DOCK4: variants seen among roughly 807,000 people sequenced by gnomAD.
DOCK4 encodes dedicator of cytokinesis protein 4.
A neutral mutation model predicts 268.1 loss-of-function variants in DOCK4; 97 were observed. That is an observed-to-expected ratio of 0.36 (90% confidence interval 0.31 to 0.43). DOCK4 has a LOEUF of 0.43. Ranked by LOEUF, DOCK4 falls within the 20% of genes least tolerant of loss-of-function variation. The pLI, the probability that DOCK4 is intolerant of heterozygous loss-of-function variation, is 1.00. For missense variants in DOCK4, 2,145 were observed against 2,455.7 expected, an observed-to-expected ratio of 0.87 and a Z score of 2.67; for synonymous variants, 954 against 887.2, an observed-to-expected ratio of 1.08 and a Z score of -1.34.
intron 4 of DOCK4, among the ~76,000 whole-genome samples, chr7:111,996,940 G>A (rs1800013617): frequency 6.6e-6 from 1 of 152,216 alleles, no homozygotes; most frequent in Non-Finnish European, 1.5e-5. Flanking sequence ...CTTGGTCAGA[G>A]CATATGATGC....
At chr7:112,059,863 T>C (rs1037621729) in intron 1 of DOCK4, among the ~76,000 whole-genome samples, 1 of 152,164 alleles carries the variant, frequency 6.6e-6, no homozygotes, top group African/African-American at 2.4e-5. Context: ...TCACTCAAAA[T>C]TACTGCTCTC....
At chr7:112,183,071 C>T (rs1819195912) in intron 1 of DOCK4, among the ~76,000 whole-genome samples, 1 of 152,222 alleles carries the variant, frequency 6.6e-6, no homozygotes, top group Admixed American at 6.5e-5. Context: ...GTAGGCCTCC[C>T]ACATTGCCAC....
chr7:111,791,649 T>C (rs1367035680), intron 30 of DOCK4, among the ~76,000 whole-genome samples: 1 of 152,130 alleles, frequency 6.6e-6, no homozygotes, highest in Non-Finnish European at 1.5e-5. Context: ...GGTTTCACCA[T>C]GTTGGCCAGG....
intron 51 of DOCK4, among the ~76,000 whole-genome samples, chr7:111,732,813 A>G (rs767155895): frequency 6.6e-6 from 1 of 152,182 alleles, no homozygotes; most frequent in Non-Finnish European, 1.5e-5. Context: ...TGGCCATACA[A>G]CAGGTGCATG....
rs1314082449 is a variant in DOCK4, at chr7:111,727,088, C to T, written c.*1186G>A. On this transcript the variant is annotated 3_prime_UTR_variant, in exon 53 of 53. Coordinates refer to ENST00000428084, the MANE Select transcript of DOCK4 (RefSeq NM_001363540.2). ...AAAGAAAAAACAAAGATATAAAATA[C>T]ATTACTACATACAAGGTGCTTTTTT... is the stretch of plus-strand genomic sequence containing the variant. The T allele has an allele frequency of 6.6e-6, 1 of 152,602 alleles. No individual in the cohort carries two copies. Among genetic ancestry groups the T allele is most frequent in the Admixed American group, 6.5e-5 (1 of 15,284 alleles). 9.5% of individuals were successfully genotyped at this position (152,602 alleles called of 1,614,324 possible).
chr7:111,962,831 T>C (rs1198992855), intron 8 of DOCK4, among the ~76,000 whole-genome samples: 1 of 152,204 alleles, frequency 6.6e-6, no homozygotes, highest in African/African-American at 2.4e-5. Flanking sequence ...GTGAATAAGT[T>C]ACAAGCAGAC....
rs866087132 is a variant in DOCK4, at chr7:111,910,736, C to T, written c.1192+5043G>A. Among the ~76,000 whole-genome samples, 6 of 152,200 alleles carry T rather than the reference C, an allele frequency of 3.9e-5. No homozygotes were observed. The East Asian group carries it at 7.7e-4, about 20-fold the overall frequency. ...CCCTCTCATAGCCCAGACCGTGGAA[C>T]GCCTTCAATCAGTTATTTGGCTTGG... On this transcript the variant is annotated intron_variant, in intron 13 of 52. Coordinates refer to ENST00000428084, the MANE Select transcript of DOCK4 (RefSeq NM_001363540.2).
rs74765281 is a variant in DOCK4 at position 111,855,198 on chromosome 7, G to A, written c.2474-8072C>T. ...ACTGGGATGTGAGTAGGAGCTGGGA[G>A]TGACATCATCTGGTATGTTTCTGAA... On this transcript the variant is annotated intron_variant, in intron 23 of 52. Coordinates refer to ENST00000428084, the MANE Select transcript of DOCK4 (RefSeq NM_001363540.2). Among the ~76,000 whole-genome samples, 915 of 152,310 alleles carry A rather than the reference G, an allele frequency of 6.0e-3. 4 individuals carry two copies. The highest frequency in any genetic ancestry group is 9.4e-3 in the Non-Finnish European group (640 of 68,028).
rs1797294290 is a variant in DOCK4 at position 111,760,238 on chromosome 7, T to C, written c.4105A>G (p.Ile1369Val). Reference sequence around the variant, plus strand: ...GGCTGGTTGGCGTGCTGCATGGCGATGGCATGGGGGAACTCGTTCAGCATT... The same window carrying C: ...GGCTGGTTGGCGTGCTGCATGGCGACGGCATGGGGGAACTCGTTCAGCATT... ...QRMLNEFPHAIAMQHANQPDE... is the reference protein window; with the variant it reads ...QRMLNEFPHAVAMQHANQPDE... The change falls in exon 40 of 53, where the codon ATC becomes GTC. Residue 1369 changes from isoleucine (I) to valine (V), a missense_variant. By Grantham distance (29) the Ile-to-Val change is conservative. Coordinates refer to ENST00000428084, the MANE Select transcript of DOCK4 (RefSeq NM_001363540.2). 6.2e-7 allele frequency: 1 copy of C among 1,614,020 alleles called. No individual in the cohort carries two copies. The highest frequency in any genetic ancestry group is 8.5e-7 in the Non-Finnish European group (1 of 1,179,886).
intron 23 of DOCK4, among the ~76,000 whole-genome samples, chr7:111,862,583 C>T (rs908263937): frequency 2.0e-5 from 3 of 146,850 alleles, no homozygotes; most frequent in Non-Finnish European, 4.5e-5. Flanking sequence ...CTCTGTCTTC[C>T]AGGTTCAAGC....
chr7:111,846,588 G>A (rs1025797708), intron 24 of DOCK4, among the ~76,000 whole-genome samples: 5 of 150,142 alleles, frequency 3.3e-5, no homozygotes, highest in African/African-American at 1.0e-4. Flanking sequence ...CAATTTCCAG[G>A]GGACCCGGCC....
intron 27 of DOCK4, chr7:111,819,500 A>G (rs1459845707): frequency 3.3e-5 from 5 of 152,216 alleles, no homozygotes; most frequent in Admixed American, 6.5e-5. Flanking sequence ...AAGTGGGCAC[A>G]CTTGCTATGT....
chr7:111,998,332 C>G, intron 4 of DOCK4, 116 bp downstream of exon 4: 1 of 793,318 alleles, frequency 1.3e-6, no homozygotes, highest in Non-Finnish European at 1.9e-6. Flanking sequence ...AGAACACAGA[C>G]AATGGTATGA....
intron 24 of DOCK4, among the ~76,000 whole-genome samples, chr7:111,845,320 T>C (rs1804015458): frequency 6.6e-6 from 1 of 152,238 alleles, no homozygotes; most frequent in East Asian, 1.9e-4. Context: ...ATCAGTCATT[T>C]TCCGAAACTT....
At position 111,938,073 on chromosome 7, in the gene DOCK4, C is replaced by T. The variant is rs183934801; in HGVS notation, c.977+2037G>A. Among the ~76,000 whole-genome samples the T allele has an allele frequency of 2.7e-3, 408 of 152,286 alleles. 3 individuals are homozygous for T. The highest frequency in any genetic ancestry group is 0.022 in the Admixed American group (338 of 15,294). On this transcript the variant is annotated intron_variant, in intron 11 of 52. Coordinates refer to ENST00000428084, the MANE Select transcript of DOCK4 (RefSeq NM_001363540.2). ...AAGGGTATCATGGATTTAAGCTTAA[C>T]CACTGAAATTGAGGGTTGCTATGTG...
intron 7 of DOCK4, among the ~76,000 whole-genome samples, chr7:111,978,899 T>C (rs753967478): frequency 6.6e-6 from 1 of 152,198 alleles, no homozygotes. Flanking sequence ...GCTAGGCTTG[T>C]GTATTAATAG....
Position 111,727,998 on chromosome 7 carries a change from T to C in DOCK4, c.*276A>G. ...TAAGATTAAACTATATAAAAAAAAG[T>C]GAACATAAAAAGGTACAAAAGGAGT... is the stretch of plus-strand genomic sequence containing the variant. On this transcript the variant is annotated 3_prime_UTR_variant, in exon 53 of 53. Coordinates refer to ENST00000428084, the MANE Select transcript of DOCK4 (RefSeq NM_001363540.2). 1 of 351,792 alleles carries C rather than the reference T, an allele frequency of 2.8e-6. No homozygotes were observed. The highest frequency in any genetic ancestry group is 5.1e-6 in the Non-Finnish European group (1 of 197,780). 21.8% of individuals were successfully genotyped at this position (351,792 alleles called of 1,614,324 possible). A position where few individuals can be genotyped will look rare whatever the true frequency, so the allele number is the denominator to read the frequency against.
At chr7:112,025,155 T>A (rs1802663224) in intron 1 of DOCK4, among the ~76,000 whole-genome samples, 2 of 152,170 alleles carry the variant, frequency 1.3e-5, no homozygotes, top group South Asian at 4.1e-4. Flanking sequence ...TCCTCAATAT[T>A]CACTCAGCAT....
rs775731839 is a variant in DOCK4 at position 111,977,170 on chromosome 7, G to C, written c.663C>G (p.Ile221Met). ...TCTCTTTACTGTCAAAGAGTGAGAA[G>C]ATGACCTCCAGCTCCTCTCCCAGGT... Reference protein sequence around the residue: ...CSNLGEELEVIFSLFDSKENR... With the variant: ...CSNLGEELEVMFSLFDSKENR... The change falls in exon 8 of 53, where the codon ATC becomes ATG. Residue 221 changes from isoleucine (I) to methionine (M), a missense_variant. Coordinates refer to ENST00000428084, the MANE Select transcript of DOCK4 (RefSeq NM_001363540.2). 2.5e-6 allele frequency: 4 copies of C among 1,612,896 alleles called. No individual in the cohort carries two copies. In the African/African-American group the frequency reaches 5.3e-5, roughly 22 times the overall value.
Sources: allele counts gnomAD v4.1 joint callset (sites outside exome capture counted in the v4.1 genomes callset), GRCh38; gene constraint gnomAD v4.1.1; transcripts MANE v1.5; gene names NCBI Gene and HGNC (gene_info 2026-07-23, HGNC 2026-07-21).